Variants in AEBP2 observed in about 807,000 individuals in gnomAD.
AEBP2 encodes zinc finger protein AEBP2.
In AEBP2, 10 loss-of-function variants were observed where a neutral mutation model predicts 50.8. The ratio of observed to expected loss-of-function variants is 0.20; its 90% confidence interval spans 0.12 to 0.33. AEBP2 has a LOEUF of 0.33. Among genes scored for constraint, AEBP2 ranks in the 10% least tolerant of loss-of-function variants. The pLI is 1.00. For synonymous variants in AEBP2, 296 were observed against 261.3 expected (o/e 1.13, Z -1.28); for missense variants, 570 against 688.0 (o/e 0.83, Z 1.92).
At chr12:19,507,778 T>C (rs536717422) in intron 5 of AEBP2, among the ~76,000 whole-genome samples, 11 of 152,320 alleles carry the variant, frequency 7.2e-5, no homozygotes, top group Non-Finnish European at 1.3e-4. Context: ...TCCAAAGTTC[T>C]ATAACTGGGA....
At position 19,500,176 on chromosome 12, in the gene AEBP2, T is replaced by C; in HGVS notation, c.1254T>C (p.His418=). The change falls in exon 5 of 8, where the codon CAT becomes CAC. Residue 418 remains histidine (H), a synonymous_variant. Transcript: ENST00000266508. The stretch of plus-strand genomic sequence containing the variant: ...CCATATGCTTTAACCTCTCAGCTCA[T>C]ATAGAAAGTTTAGGGAAGGGACACA... The part of the protein sequence containing the change: ...HRAICFNLSA[H]IESLGKGHSV... The C allele has an allele frequency of 6.3e-7, 1 of 1,595,128 alleles. No homozygotes were observed.
At chr12:19,453,421 A>G (rs1948202128) in intron 1 of AEBP2, among the ~76,000 whole-genome samples, 1 of 127,606 alleles carries the variant, frequency 7.8e-6, no homozygotes, top group Admixed American at 7.7e-5. Context: ...CCTGACCTAT[A>G]TACTTTCTTT....
intron 2 of AEBP2, among the ~76,000 whole-genome samples, chr12:19,469,625 C>G (rs1397288244): frequency 6.6e-6 from 1 of 152,134 alleles, no homozygotes; most frequent in African/African-American, 2.4e-5. Context: ...CTAATTTAAA[C>G]ATTTTCAGAG....
At chr12:19,457,786 T>G in intron 1 of AEBP2, 1 of 386,172 alleles carries the variant, frequency 2.6e-6, no homozygotes, top group South Asian at 7.0e-5. Context: ...CGGGCACTTG[T>G]TAGAAATGCT....
chr12:19,408,001 A>G (rs1184634702), intron 1 of AEBP2, among the ~76,000 whole-genome samples: 3 of 151,494 alleles, frequency 2.0e-5, no homozygotes, highest in African/African-American at 7.3e-5. Context: ...TAGTGAGCTG[A>G]GATTGCGCCA....
At chr12:19,449,835 G>A (rs1388659883) in intron 1 of AEBP2, among the ~76,000 whole-genome samples, 1 of 152,086 alleles carries the variant, frequency 6.6e-6, no homozygotes, top group Admixed American at 6.6e-5. Context: ...TACTACTTAA[G>A]TTTCTCGCTA....
In AEBP2 at chr12:19,455,273, G is replaced by A. The variant is rs2638422; in HGVS notation, c.672-7237G>A. Among the ~76,000 whole-genome samples the A allele has an allele frequency of 5.3e-5, 8 of 152,160 alleles. No homozygotes were observed. The East Asian group carries it at 1.2e-3, about 22-fold the overall frequency. On this transcript the variant is annotated intron_variant, in intron 1 of 7. Coordinates refer to ENST00000266508, the MANE Select transcript of AEBP2 (RefSeq NM_153207.5). The stretch of plus-strand genomic sequence containing the variant: ...CTCCCAAGTTGCTGGGATTGTAGGC[G>A]TGAGCCACTGCGCCTGGCAGAAGTC...
chr12:19,460,581 T>C (rs1417116261), intron 1 of AEBP2, among the ~76,000 whole-genome samples: 1 of 152,024 alleles, frequency 6.6e-6, no homozygotes, highest in African/African-American at 2.4e-5. Flanking sequence ...CTTGAACTCC[T>C]GACCTTGTGA....
At chr12:19,492,688 AG>A (rs1328423025) in intron 3 of AEBP2, among the ~76,000 whole-genome samples, 2 of 152,202 alleles carry the variant, frequency 1.3e-5, no homozygotes, top group Non-Finnish European at 2.9e-5. Flanking sequence ...TAATTTACAA[AG>A]ACAAGGCAGG....
chr12:19,432,685 C>A (rs974118506), intron 1 of AEBP2, among the ~76,000 whole-genome samples: 2 of 152,026 alleles, frequency 1.3e-5, no homozygotes, highest in Admixed American at 6.6e-5. Flanking sequence ...CAGAGCAAGA[C>A]CCTGTCTCAA....
chr12:19,435,541 A>G (rs1473067769), upstream of AEBP2, among the ~76,000 whole-genome samples: 1 of 152,058 alleles, frequency 6.6e-6, no homozygotes. Flanking sequence ...CTGGTCCCCA[A>G]CATCAACTTT....
upstream of AEBP2, among the ~76,000 whole-genome samples, chr12:19,436,044 C>G (rs568154350): frequency 6.2e-4 from 95 of 152,270 alleles, no homozygotes; most frequent in Admixed American, 6.2e-3. Context: ...GATAAGATAG[C>G]AGGTCAGCAC....
chr12:19,445,765 T>A (rs913690041), intron 1 of AEBP2, among the ~76,000 whole-genome samples: 5 of 152,202 alleles, frequency 3.3e-5, no homozygotes, highest in African/African-American at 1.2e-4. Flanking sequence ...AATATTTGAT[T>A]ACAGCATGTA....
At chr12:19,454,637 C>CT (rs1341701664) in intron 1 of AEBP2, among the ~76,000 whole-genome samples, 1 of 152,132 alleles carries the variant, frequency 6.6e-6, no homozygotes, top group Non-Finnish European at 1.5e-5. Flanking sequence ...GTTATATACT[C>CT]TAAATCCTTC....
At chr12:19,423,010 A>G (rs1036570340) in intron 1 of AEBP2, among the ~76,000 whole-genome samples, 14 of 127,458 alleles carry the variant, frequency 1.1e-4, no homozygotes, top group African/African-American at 4.1e-4. Context: ...GGTTGCAGTG[A>G]GCCGAGATTG....
chr12:19,445,902 T>G (rs1256150543), intron 1 of AEBP2: 1 of 152,194 alleles, frequency 6.6e-6, no homozygotes, highest in Non-Finnish European at 1.5e-5. Context: ...TAGCTTTCTT[T>G]TTTTTGGACG....
intron 1 of AEBP2, among the ~76,000 whole-genome samples, chr12:19,408,281 G>T (rs376844818): frequency 6.6e-6 from 1 of 152,054 alleles, no homozygotes; most frequent in South Asian, 2.1e-4. Context: ...TCTTGGCCGG[G>T]TGTGCTGGCT....
At chr12:19,420,854 C>T (rs528417698) in intron 1 of AEBP2, among the ~76,000 whole-genome samples, 1 of 152,200 alleles carries the variant, frequency 6.6e-6, no homozygotes, top group South Asian at 2.1e-4. Flanking sequence ...GCATCTCCAT[C>T]ACCCCACCCC....
At chr12:19,499,065 C>G (rs372016709) in intron 4 of AEBP2, among the ~76,000 whole-genome samples, 1 of 152,012 alleles carries the variant, frequency 6.6e-6, no homozygotes, top group Admixed American at 6.6e-5. Context: ...ATACAAATGG[C>G]CTTATGATTT....
Sources: allele counts gnomAD v4.1 joint callset (sites outside exome capture counted in the v4.1 genomes callset), GRCh38; gene constraint gnomAD v4.1.1; transcripts MANE v1.5; gene names NCBI Gene and HGNC (gene_info 2026-07-23, HGNC 2026-07-21).